Variants in PROS1 observed in about 807,000 individuals in gnomAD.
PROS1 encodes the protein vitamin K-dependent protein S.
PROS1 carries 29 observed loss-of-function variants against 75.9 expected under a neutral mutation model. The observed-to-expected ratio is 0.38, with a 90% CI of 0.28 to 0.52. PROS1 has a LOEUF of 0.52. Among genes scored for constraint, PROS1 ranks in the 20% least tolerant of loss-of-function variants. PROS1 has a pLI of 0.83. For missense variants in PROS1, 680 were observed against 810.3 expected (o/e 0.84, Z 1.95); for synonymous variants, 245 against 280.6 (o/e 0.87, Z 1.27).
At position 93,896,655 on chromosome 3, in the gene PROS1, T is replaced by G. The variant is rs1559932774; in HGVS notation, c.886A>C (p.Lys296Gln). The G allele has an allele frequency of 1.2e-6, 2 of 1,613,762 alleles. No individual in the cohort carries two copies. The highest frequency in any genetic ancestry group is 1.3e-5 in the African/African-American group (1 of 75,004). The change falls in exon 9 of 15, where the codon AAG (lysine) becomes CAG (glutamine). Residue 296 changes from lysine to glutamine, a missense_variant. Coordinates refer to ENST00000394236, the MANE Select transcript of PROS1 (RefSeq NM_000313.4). ...SVCLPLNLDT[K>Q]YELLYLAEQF... ...TCCGCCAAGTAAAGTAATTCATACT[T>G]TGTGTCAAGGTTCAAGGGAAGGCAC...
At chr3:93,943,603 C>A (rs902507612) in intron 1 of PROS1, among the ~76,000 whole-genome samples, 7 of 152,058 alleles carry the variant, frequency 4.6e-5, no homozygotes, top group African/African-American at 1.7e-4. Context: ...CTCTCCATAC[C>A]ACCCCCCCAA....
chr3:93,914,354 C>A (rs1444281840), intron 3 of PROS1, among the ~76,000 whole-genome samples: 3 of 152,210 alleles, frequency 2.0e-5, no homozygotes, highest in African/African-American at 7.2e-5. Flanking sequence ...GCATTCTGTG[C>A]ACCTGCAAAA....
chr3:93,947,605 C>T (rs1213208957), intron 1 of PROS1, among the ~76,000 whole-genome samples: 4 of 151,978 alleles, frequency 2.6e-5, no homozygotes, highest in African/African-American at 7.3e-5. Flanking sequence ...CTCGCTCTGT[C>T]GCTCAGGCTG....
intron 12 of PROS1, among the ~76,000 whole-genome samples, chr3:93,883,699 G>T (rs1190661033): frequency 6.6e-6 from 1 of 152,104 alleles, no homozygotes; most frequent in Non-Finnish European, 1.5e-5. Context: ...GCTGGGTGCG[G>T]TGGCTCACAC....
chr3:93,972,128 A>G (rs369932059), intron 1 of PROS1, among the ~76,000 whole-genome samples: 10 of 152,232 alleles, frequency 6.6e-5, no homozygotes, highest in African/African-American at 2.2e-4. Flanking sequence ...GAAAAAGCCT[A>G]GCAAATTTCT....
chr3:93,967,909 A>G (rs1709815097), intron 1 of PROS1: 1 of 152,230 alleles, frequency 6.6e-6, no homozygotes, highest in East Asian at 1.9e-4. Flanking sequence ...AAATAAATAA[A>G]TAAATAAAAG....
At chr3:93,973,281 G>A (rs1709908765) in intron 1 of PROS1, among the ~76,000 whole-genome samples, 1 of 152,142 alleles carries the variant, frequency 6.6e-6, no homozygotes, top group African/African-American at 2.4e-5. Context: ...CAGGTTGGGG[G>A]CAGGCGCTTG....
chr3:93,939,417 C>G (rs763790978), intron 1 of PROS1, among the ~76,000 whole-genome samples: 4 of 152,128 alleles, frequency 2.6e-5, no homozygotes, highest in African/African-American at 7.2e-5. Context: ...GATCTCTCCC[C>G]TCTTCCCCAG....
In PROS1 at chr3:93,956,563, A is replaced by ACACACACAAAC. The variant is rs57080075; in HGVS notation, c.76+17110_76+17111insGTTTGTGTGTG. On this transcript the variant is annotated intron_variant, in intron 1 of 14. Transcript: ENST00000394236. ...ACACACACACACACACACACACACA[A>ACACACACAAAC]ACACACACACACACACACACACACA... Among the ~76,000 whole-genome samples, 702 of 128,350 alleles carry ACACACACAAAC rather than the reference A, an allele frequency of 5.5e-3. 5 individuals carry two copies. The highest frequency in any genetic ancestry group is 8.1e-3 in the Non-Finnish European group (474 of 58,614). 84.2% of individuals were successfully genotyped at this position (128,350 alleles called of 152,430 possible). A position where few individuals can be genotyped will look rare whatever the true frequency, so the allele number is the denominator to read the frequency against.
Position 93,927,338 on chromosome 3 carries a change from G to C in PROS1, c.146C>G (p.Thr49Ser), listed in dbSNP as rs1386488557. Reference sequence around the variant, plus strand: ...TTCTCTTTCAAGATTACCCTGTTTGGTTTCTTCAAGTAAAGAATTTGCACG... The same window carrying C: ...TTCTCTTTCAAGATTACCCTGTTTGCTTTCTTCAAGTAAAGAATTTGCACG... ...KRRANSLLEE[T>S]KQGNLERECI... The change falls in exon 2 of 15, where the codon ACC becomes AGC. Residue 49 changes from threonine to serine, a missense_variant. Coordinates refer to ENST00000394236, the MANE Select transcript of PROS1 (RefSeq NM_000313.4). The C allele has an allele frequency of 6.2e-7, 1 of 1,613,638 alleles. No homozygotes were observed. Among genetic ancestry groups the C allele is most frequent in the African/African-American group, 1.3e-5 (1 of 74,784 alleles).
At position 93,874,079 on chromosome 3, in the gene PROS1, A is replaced by G; in HGVS notation, c.*166T>C. 1 of 782,216 alleles carries G rather than the reference A, an allele frequency of 1.3e-6. No homozygotes were observed. The highest frequency in any genetic ancestry group is 2.1e-5 in the South Asian group (1 of 47,752). 48.5% of individuals were successfully genotyped at this position (782,216 alleles called of 1,614,324 possible). ...TAAGAATTTCTTTACTGTGATTTAT[A>G]TCACAACAGAATTTTTTTCCTTGAC... On this transcript the variant is annotated 3_prime_UTR_variant, in exon 15 of 15. Transcript: ENST00000394236.
intron 1 of PROS1, among the ~76,000 whole-genome samples, chr3:93,934,103 C>G (rs1709146817): frequency 6.6e-6 from 1 of 151,302 alleles, no homozygotes; most frequent in Non-Finnish European, 1.5e-5. Flanking sequence ...TCACTTGAAC[C>G]CAGGAGGCGG....
chr3:93,947,166 C>T (rs1576210153), intron 1 of PROS1, among the ~76,000 whole-genome samples: 1 of 152,132 alleles, frequency 6.6e-6, no homozygotes, highest in African/African-American at 2.4e-5. Flanking sequence ...AGTCAGGAAA[C>T]AACAGTGCTG....
Position 93,928,015 on chromosome 3 carries a change from T to A in PROS1, c.77-608A>T, listed in dbSNP as rs866685065. Among the ~76,000 whole-genome samples the A allele has an allele frequency of 2.7e-3, 89 of 33,584 alleles. 1 individual carries two copies. Among genetic ancestry groups the A allele is most frequent in the East Asian group, 0.013 (15 of 1,142 alleles). The allele number at this position is 33,584 out of a possible 152,430, so 22.0% of individuals were successfully genotyped here. On this transcript the variant is annotated intron_variant, in intron 1 of 14. Coordinates refer to ENST00000394236, the MANE Select transcript of PROS1 (RefSeq NM_000313.4). ...TGTGTATATATATATATATATATTTTTTTTTTTTTTTTTTTTTGAGACGGA... is the reference window on the plus strand; with the variant it reads ...TGTGTATATATATATATATATATTTATTTTTTTTTTTTTTTTTGAGACGGA...
intron 3 of PROS1, among the ~76,000 whole-genome samples, chr3:93,917,869 C>G (rs540203963): frequency 2.6e-5 from 4 of 152,176 alleles, no homozygotes; most frequent in African/African-American, 9.6e-5. Flanking sequence ...GAGCCTCCCC[C>G]GCCTCTGTGG....
At chr3:93,955,272 C>T (rs899264031) in intron 1 of PROS1, among the ~76,000 whole-genome samples, 6 of 152,156 alleles carry the variant, frequency 3.9e-5, no homozygotes, top group Admixed American at 2.6e-4. Context: ...AAGACACATG[C>T]CTACAGATGT....
chr3:93,971,354 TCTAAATAAATAA>T (rs1304249940), intron 1 of PROS1, among the ~76,000 whole-genome samples: 401 of 103,746 alleles, frequency 3.9e-3, no homozygotes, highest in South Asian at 5.9e-3. Context: ...AGACTCCATC[TCTAAATAAATAA>T]ATAAATAAAT....
intron 1 of PROS1, among the ~76,000 whole-genome samples, chr3:93,946,809 A>T (rs1162299015): frequency 6.6e-6 from 1 of 150,610 alleles, no homozygotes; most frequent in Non-Finnish European, 1.5e-5. Flanking sequence ...GACAAATGGG[A>T]TCTAATTAAA....
chr3:93,883,882 A>G (rs1019909240), intron 12 of PROS1, among the ~76,000 whole-genome samples: 1 of 151,588 alleles, frequency 6.6e-6, no homozygotes, highest in Non-Finnish European at 1.5e-5. Context: ...TCCAGGTGGC[A>G]GAGGTTGCAG....
Sources: gnomAD v4.1 joint callset for allele counts (sites outside exome capture counted in the v4.1 genomes callset) on GRCh38, gnomAD v4.1.1 for gene constraint, MANE v1.5 for transcripts, NCBI Gene and HGNC (gene_info 2026-07-23, HGNC 2026-07-21) for gene names.